Variants in DIS3L2 observed in about 807,000 individuals in gnomAD.
The protein encoded by DIS3L2 is DIS3 like 3'-5' exoribonuclease 2, also known as DIS3-like exonuclease 2.
A neutral mutation model predicts 97.5 loss-of-function variants in DIS3L2; 34 were observed. The observed-to-expected ratio is 0.35, with a 90% CI of 0.27 to 0.46. DIS3L2 has a LOEUF of 0.46. DIS3L2 is among the 20% of genes least tolerant of loss of function. DIS3L2 has a pLI of 1.00. For synonymous variants in DIS3L2, 435 were observed against 445.2 expected, an observed-to-expected ratio of 0.98 and a Z score of 0.29; for missense variants, 1,038 against 1,146.0, an observed-to-expected ratio of 0.91 and a Z score of 1.36.
chr2:232,247,639 G>GGGGGGT (rs1693297546), intron 11 of DIS3L2, among the ~76,000 whole-genome samples: 1 of 81,652 alleles, frequency 1.2e-5, no homozygotes, highest in African/African-American at 3.9e-5. Context: ...GGGGGGGCGG[G>GGGGGGT]GGGGAGGGTG....
intron 14 of DIS3L2, chr2:232,328,815 A>G (rs902025281): frequency 6.6e-6 from 1 of 152,186 alleles, no homozygotes; most frequent in Non-Finnish European, 1.5e-5. Context: ...AGGCTGGCCC[A>G]TCACAACAGG....
chr2:231,973,749 T>C (rs185908769), intron 1 of DIS3L2, among the ~76,000 whole-genome samples: 273 of 152,310 alleles, frequency 1.8e-3, no homozygotes, highest in African/African-American at 6.1e-3. Flanking sequence ...CATATGTTAC[T>C]GGGAGCTGAT....
chr2:232,086,988 C>T (rs1696678551), intron 5 of DIS3L2, among the ~76,000 whole-genome samples: 1 of 151,916 alleles, frequency 6.6e-6, no homozygotes, highest in African/African-American at 2.4e-5. Flanking sequence ...GCCAATAAAG[C>T]TTTATATTTT....
At position 232,336,751 on chromosome 2, in the gene DIS3L2, ATTTTTATTT is replaced by A; in HGVS notation, c.*122_*130del. The stretch of plus-strand genomic sequence containing the variant: ...TTTAACAACTCAGGGGTTTGTTTTT[ATTTTTATTT>A]AATTTTTGCAGCTCAACTTTTAAAC... On this transcript the variant is annotated 3_prime_UTR_variant, in exon 21 of 21. Coordinates refer to ENST00000325385, the MANE Select transcript of DIS3L2 (RefSeq NM_152383.5). 6.7e-7 allele frequency: 1 copy of A among 1,485,832 alleles called. No individual in the cohort carries two copies. Among genetic ancestry groups the A allele is most frequent in the South Asian group, 1.3e-5 (1 of 76,410 alleles). 92.0% of individuals were successfully genotyped at this position (1,485,832 alleles called of 1,614,324 possible). A position where few individuals can be genotyped will look rare whatever the true frequency, so the allele number is the denominator to read the frequency against.
At chr2:232,311,978 C>G (rs1226228860) in intron 14 of DIS3L2, among the ~76,000 whole-genome samples, 1 of 152,148 alleles carries the variant, frequency 6.6e-6, no homozygotes, top group Non-Finnish European at 1.5e-5. Flanking sequence ...TGTGTGAGAG[C>G]TCATCTGTTT....
intron 10 of DIS3L2, among the ~76,000 whole-genome samples, chr2:232,235,833 G>T (rs923746433): frequency 2.0e-5 from 3 of 152,206 alleles, no homozygotes; most frequent in Admixed American, 6.5e-5. Flanking sequence ...ACTCTTGGCT[G>T]AATTCACATA....
chr2:232,207,772 T>C (rs1357319809), intron 9 of DIS3L2, among the ~76,000 whole-genome samples: 5 of 152,184 alleles, frequency 3.3e-5, no homozygotes, highest in Admixed American at 2.0e-4. Context: ...ATTAACTATA[T>C]TAAGCCAAAT....
intron 5 of DIS3L2, among the ~76,000 whole-genome samples, chr2:232,073,339 T>C (rs925751570): frequency 1.3e-5 from 2 of 152,092 alleles, no homozygotes; most frequent in African/African-American, 4.8e-5. Context: ...GGTAGTGGGG[T>C]GGACAGGGCA....
intron 8 of DIS3L2, among the ~76,000 whole-genome samples, chr2:232,154,017 C>A (rs1015945665): frequency 1.4e-4 from 19 of 138,976 alleles, no homozygotes; most frequent in Non-Finnish European, 2.0e-4. Context: ...CTTCTGCTTT[C>A]TTCACGTAGT....
At chr2:232,130,779 A>G (rs1389449063) in intron 7 of DIS3L2, 60 bp downstream of exon 7, 1 of 1,597,202 alleles carries the variant, frequency 6.3e-7, no homozygotes, top group African/African-American at 1.3e-5. Flanking sequence ...CTACTTGTTG[A>G]AGATCTCGTG....
At chr2:232,257,851 C>A (rs989276081) in intron 12 of DIS3L2, among the ~76,000 whole-genome samples, 7 of 152,214 alleles carry the variant, frequency 4.6e-5, no homozygotes, top group Non-Finnish European at 1.5e-5. Context: ...TCATCTGCCT[C>A]TGTCTAATTT....
intron 14 of DIS3L2, among the ~76,000 whole-genome samples, chr2:232,309,778 G>A (rs534005206): frequency 6.6e-6 from 1 of 152,354 alleles, no homozygotes; most frequent in Admixed American, 6.5e-5. Context: ...GTGCTCACAG[G>A]AAGTGTGACT....
At chr2:232,176,329 T>C (rs1691150948) in intron 9 of DIS3L2, among the ~76,000 whole-genome samples, 1 of 152,224 alleles carries the variant, frequency 6.6e-6, no homozygotes, top group South Asian at 2.1e-4. Flanking sequence ...GTTTAGTAAT[T>C]TGAATCTCTC....
intron 1 of DIS3L2, among the ~76,000 whole-genome samples, chr2:231,962,618 G>C (rs1184125732): frequency 6.6e-6 from 1 of 151,940 alleles, no homozygotes; most frequent in Non-Finnish European, 1.5e-5. Context: ...TGTATTTTTA[G>C]TAGAGACGGG....
At chr2:231,978,139 T>C (rs978603643) in intron 1 of DIS3L2, among the ~76,000 whole-genome samples, 2 of 152,262 alleles carry the variant, frequency 1.3e-5, no homozygotes, top group African/African-American at 4.8e-5. Context: ...TATAGTCTTA[T>C]TTGTTGGTAA....
At position 232,060,052 on chromosome 2, in the gene DIS3L2, A is replaced by T. The variant is rs554740310; in HGVS notation, c.367-27435A>T. 3.3e-5 allele frequency among the ~76,000 whole-genome samples: 5 copies of T among 152,208 alleles called. No homozygotes were observed. In the East Asian group the frequency reaches 9.7e-4, roughly 29 times the overall value. On this transcript the variant is annotated intron_variant, in intron 5 of 20. Coordinates refer to ENST00000325385, the MANE Select transcript of DIS3L2 (RefSeq NM_152383.5). ...TTCTATAGAGTTGTTTGAACTCCTT[A>T]TACATTCTGGTTGTTAATCCCTTGT...
chr2:232,070,639 C>T (rs1488791419), intron 5 of DIS3L2, among the ~76,000 whole-genome samples: 1 of 150,142 alleles, frequency 6.7e-6, no homozygotes, highest in East Asian at 2.0e-4. Flanking sequence ...GGCTGGAGTG[C>T]AGTGGCGCCA....
At chr2:232,122,535 G>T (rs1697936933) in intron 6 of DIS3L2, among the ~76,000 whole-genome samples, 1 of 152,120 alleles carries the variant, frequency 6.6e-6, no homozygotes, top group Non-Finnish European at 1.5e-5. Flanking sequence ...TGACCAACAT[G>T]GTGAAACCCT....
At position 232,135,771 on chromosome 2, in the gene DIS3L2, T is replaced by G. The variant is rs114550229; in HGVS notation, c.703-701T>G. Among the ~76,000 whole-genome samples the G allele has an allele frequency of 4.0e-3, 614 of 152,162 alleles. 4 individuals are homozygous for G. Among genetic ancestry groups the G allele is most frequent in the African/African-American group, 0.014 (581 of 41,490 alleles). On this transcript the variant is annotated intron_variant, in intron 7 of 20. Coordinates refer to ENST00000325385, the MANE Select transcript of DIS3L2 (RefSeq NM_152383.5). ...GCTCAACTGCAGGCTGAATCTTTGT[T>G]CAGGGGTCTGGTGGGATGTCGGCAA...
Sources: allele counts gnomAD v4.1 joint callset (sites outside exome capture counted in the v4.1 genomes callset), GRCh38; gene constraint gnomAD v4.1.1; transcripts MANE v1.5; gene names NCBI Gene and HGNC (gene_info 2026-07-23, HGNC 2026-07-21).